Variants in GABRA3 observed in about 807,000 individuals in gnomAD.
GABRA3 encodes the protein gamma-aminobutyric acid receptor subunit alpha-3.
GABRA3 carries 10 observed loss-of-function variants against 30.1 expected under a neutral mutation model. The ratio of observed to expected loss-of-function variants is 0.33; its 90% confidence interval spans 0.20 to 0.56. The LOEUF is 0.56. Ranked by LOEUF, GABRA3 falls within the 20% of genes least tolerant of loss-of-function variation. The pLI is 0.89. For synonymous variants in GABRA3, 151 were observed against 146.8 expected, an observed-to-expected ratio of 1.03 and a Z score of -0.21; for missense variants, 233 against 392.0, an observed-to-expected ratio of 0.59 and a Z score of 3.42.
chrX:152,335,503 T>C (rs1940220838), intron 3 of GABRA3, among the ~76,000 whole-genome samples: 1 of 111,818 alleles, frequency 8.9e-6, no homozygotes, highest in Non-Finnish European at 1.9e-5. Context: ...ACCAGCTAGT[T>C]TGCTGGAGAG....
intron 9 of GABRA3, among the ~76,000 whole-genome samples, chrX:152,182,411 ACACTATATATG>A (rs1937165676): frequency 3.2e-5 from 3 of 92,973 alleles, no homozygotes; most frequent in South Asian, 1.0e-3. Context: ...ATATATAGAC[ACACTATATATG>A]CACTATATAT....
At chrX:152,367,636 T>A (rs889822222) in intron 1 of GABRA3, among the ~76,000 whole-genome samples, 1 of 111,630 alleles carries the variant, frequency 9.0e-6, no homozygotes, top group Non-Finnish European at 1.9e-5. Context: ...TCGTAACTCA[T>A]AAGTAAAACT....
chrX:152,343,757 A>C lies in GABRA3; in HGVS notation c.262+1824T>G, dbSNP rs1337241445. ...TCCAAAATCAAAACACAATGAAAAA[A>C]CTGCAAATATATATTTAACTTTACT... is the stretch of plus-strand genomic sequence containing the variant. On this transcript the variant is annotated intron_variant, in intron 3 of 9. Coordinates refer to ENST00000370314, the MANE Select transcript of GABRA3 (RefSeq NM_000808.4). Among the ~76,000 whole-genome samples the C allele has an allele frequency of 2.7e-5, 3 of 112,152 alleles. No homozygotes were observed. The East Asian group carries it at 8.3e-4, about 31-fold the overall frequency.
chrX:152,433,663 T>A (rs1226697288), intron 1 of GABRA3, among the ~76,000 whole-genome samples: 6 of 34,272 alleles, frequency 1.8e-4, no homozygotes, highest in African/African-American at 3.4e-4. Context: ...AAGGAAATAA[T>A]AAAAATAAGA....
intron 3 of GABRA3, among the ~76,000 whole-genome samples, chrX:152,298,332 G>A (rs943371442): frequency 1.2e-3 from 126 of 108,764 alleles, no homozygotes; most frequent in African/African-American, 3.3e-3. Flanking sequence ...CCATTAACTC[G>A]TCATTTACAT....
At chrX:152,374,579 T>A (rs1928946070) in intron 1 of GABRA3, among the ~76,000 whole-genome samples, 1 of 111,074 alleles carries the variant, frequency 9.0e-6, no homozygotes, top group African/African-American at 3.3e-5. Flanking sequence ...CTCGATCTCC[T>A]GACCTCGTGA....
intron 4 of GABRA3, among the ~76,000 whole-genome samples, chrX:152,261,845 G>T (rs1458377647): frequency 8.9e-6 from 1 of 112,492 alleles, no homozygotes; most frequent in Non-Finnish European, 1.9e-5. Flanking sequence ...GGAATTCTGT[G>T]TGTGGCCTTC....
At chrX:152,255,422 C>T (rs1316300818) in intron 5 of GABRA3, among the ~76,000 whole-genome samples, 5 of 111,678 alleles carry the variant, frequency 4.5e-5, no homozygotes, top group African/African-American at 1.6e-4. Context: ...TAATTATCAG[C>T]GTTCATGCCT....
At chrX:152,351,393 C>T (rs1213596798) in intron 2 of GABRA3, among the ~76,000 whole-genome samples, 1 of 112,126 alleles carries the variant, frequency 8.9e-6, no homozygotes, top group Non-Finnish European at 1.9e-5. Flanking sequence ...TTGTGTCTCA[C>T]CTTGCACTTT....
intron 1 of GABRA3, among the ~76,000 whole-genome samples, chrX:152,369,269 C>T (rs781355703): frequency 1.8e-5 from 2 of 111,640 alleles, no homozygotes; most frequent in African/African-American, 3.3e-5. Context: ...AATGCATATG[C>T]TAATTAGCTG....
At chrX:152,303,983 T>G (rs911356241) in intron 3 of GABRA3, among the ~76,000 whole-genome samples, 7 of 112,158 alleles carry the variant, frequency 6.2e-5, no homozygotes. Flanking sequence ...AAAATATATA[T>G]TAAAAAATAG....
chrX:152,286,110 AT>A (rs1939289465), intron 3 of GABRA3, among the ~76,000 whole-genome samples: 1 of 86,474 alleles, frequency 1.2e-5, no homozygotes, highest in African/African-American at 4.4e-5. Flanking sequence ...TTATATACTT[AT>A]ATACTATAAG....
intron 4 of GABRA3, among the ~76,000 whole-genome samples, chrX:152,272,727 G>A: frequency 9.0e-6 from 1 of 111,546 alleles, no homozygotes; most frequent in Non-Finnish European, 1.9e-5. Flanking sequence ...CCCCACGTGT[G>A]GTGGGAGGGA....
At chrX:152,402,564 C>T (rs943291305) in intron 1 of GABRA3, among the ~76,000 whole-genome samples, 1 of 111,509 alleles carries the variant, frequency 9.0e-6, no homozygotes, top group Non-Finnish European at 1.9e-5. Context: ...GAAATGTCAA[C>T]TGAGAATGAA....
At chrX:152,268,294 C>A (rs1025011286) in intron 4 of GABRA3, among the ~76,000 whole-genome samples, 11 of 111,397 alleles carry the variant, frequency 9.9e-5, no homozygotes, top group African/African-American at 3.6e-4. Context: ...TGGGAGGGAC[C>A]CGGTAGAAGG....
At chrX:152,343,431 G>T (rs1272047715) in intron 3 of GABRA3, among the ~76,000 whole-genome samples, 1 of 99,129 alleles carries the variant, frequency 1.0e-5, no homozygotes, top group African/African-American at 3.8e-5. Context: ...CATATTAATT[G>T]TTCCAACCTC....
At position 152,255,729 on chromosome X, in the gene GABRA3, C is replaced by T. The variant is rs373292671; in HGVS notation, c.551+49G>A. The T allele has an allele frequency of 2.2e-5, 24 of 1,076,514 alleles. No homozygotes were observed. In the African/African-American group the frequency reaches 4.2e-4, roughly 19 times the overall value. 88.7% of individuals were successfully genotyped at this position (1,076,514 alleles called of 1,213,427 possible). ...TACTCTAAAACATTCTGCTTTCAAG[C>T]CCAGTCCTACTCCCAATATACTTTG... On this transcript the variant is annotated intron_variant, in intron 5 of 9. Transcript: ENST00000370314.
At position 152,369,201 on chromosome X, in the gene GABRA3, A is replaced by C. The variant is rs115456827; in HGVS notation, c.-26-4605T>G. On this transcript the variant is annotated intron_variant, in intron 1 of 9. Transcript: ENST00000370314. ...TAAGATTAGTGATATTGAGAATTTT[A>C]TCATATACCTATTGGCCCCTTGTAT... is the stretch of plus-strand genomic sequence containing the variant. Among the ~76,000 whole-genome samples the C allele has an allele frequency of 4.9e-3, 545 of 110,981 alleles. 5 individuals are homozygous for C. Among genetic ancestry groups the C allele is most frequent in the African/African-American group, 0.017 (517 of 30,504 alleles).
intron 3 of GABRA3, among the ~76,000 whole-genome samples, chrX:152,326,038 C>T (rs1940050945): frequency 9.0e-6 from 1 of 111,210 alleles, no homozygotes; most frequent in Non-Finnish European, 1.9e-5. Flanking sequence ...AACCATGGCA[C>T]TAGGACTACG....
Sources: allele counts gnomAD v4.1 joint callset (sites outside exome capture counted in the v4.1 genomes callset), GRCh38; gene constraint gnomAD v4.1.1; transcripts MANE v1.5; gene names NCBI Gene and HGNC (gene_info 2026-07-23, HGNC 2026-07-21).